Variants in RARA observed in about 807,000 individuals in gnomAD.
RARA encodes the protein retinoic acid receptor alpha, also known as PML-DDX5-RARA fusion.
Under a neutral mutation model 42.8 loss-of-function variants are expected in RARA, and 5 were observed. That is an observed-to-expected ratio of 0.12 (90% CI 0.06 to 0.25). The LOEUF (loss-of-function observed/expected upper bound fraction) is 0.25, where lower values mean the gene tolerates loss of function less well. Among genes scored for constraint, RARA ranks in the 10% least tolerant of loss-of-function variants. The pLI is 1.00. For missense variants in RARA, 402 were observed against 628.7 expected, an observed-to-expected ratio of 0.64 and a Z score of 3.86; for synonymous variants, 256 against 259.5, an observed-to-expected ratio of 0.99 and a Z score of 0.13.
intron 2 of RARA, among the ~76,000 whole-genome samples, chr17:40,339,684 G>A (rs1281047307): frequency 1.3e-5 from 2 of 152,082 alleles, no homozygotes; most frequent in African/African-American, 2.4e-5. Flanking sequence ...TACTTAGAAT[G>A]CCTGTGGGTC....
At chr17:40,329,310 GTTT>G (rs113191545) in intron 1 of RARA, among the ~76,000 whole-genome samples, 1 of 142,050 alleles carries the variant, frequency 7.0e-6, no homozygotes. Context: ...TTGTGTGTGT[GTTT>G]TTTTTTTTTT....
chr17:40,353,332 C>T (rs909610841), intron 6 of RARA, among the ~76,000 whole-genome samples: 1 of 152,168 alleles, frequency 6.6e-6, no homozygotes, highest in Admixed American at 6.5e-5. Context: ...CTGCCAAAGC[C>T]TAGGCTGGAG....
At chr17:40,315,132 G>GTGTGTA (rs1491257905) in intron 1 of RARA, among the ~76,000 whole-genome samples, 9 of 64,190 alleles carry the variant, frequency 1.4e-4, no homozygotes, top group African/African-American at 5.2e-4. Flanking sequence ...GCTTATATGT[G>GTGTGTA]TATATATATA....
At chr17:40,321,106 G>A (rs145488738) in intron 1 of RARA, among the ~76,000 whole-genome samples, 2,444 of 152,192 alleles carry the variant, frequency 0.016, 33 homozygotes, top group Middle Eastern at 0.065. Context: ...GGGGATGCAC[G>A]GTGGGGGGCA....
chr17:40,318,051 G>T (rs1293616060), intron 1 of RARA, among the ~76,000 whole-genome samples: 1 of 152,198 alleles, frequency 6.6e-6, no homozygotes, highest in Non-Finnish European at 1.5e-5. Context: ...GATTCTCCCG[G>T]ATTCCCACGG....
chr17:40,347,059 G>C (rs949946328), intron 2 of RARA, among the ~76,000 whole-genome samples: 2 of 152,198 alleles, frequency 1.3e-5, no homozygotes, highest in Admixed American at 6.5e-5. Flanking sequence ...TCCTTCCTCT[G>C]TGCCCCAATT....
At chr17:40,341,313 A>G (rs983108573) in intron 2 of RARA, 181 of 1,384,280 alleles carry the variant, frequency 1.3e-4, no homozygotes, top group Non-Finnish European at 1.6e-4. Flanking sequence ...GAGCGTGGGG[A>G]GGAGGGCCCC....
At chr17:40,342,066 G>A in intron 2 of RARA, 26 of 1,058,780 alleles carry the variant, frequency 2.5e-5, no homozygotes, top group Non-Finnish European at 2.9e-5. Context: ...GCCGGGAATG[G>A]GTTAAGCCAG....
intron 1 of RARA, among the ~76,000 whole-genome samples, chr17:40,315,120 ATGCTTATATGTG>A (rs1169033475): frequency 8.6e-6 from 1 of 116,676 alleles, no homozygotes; most frequent in African/African-American, 3.5e-5. Context: ...ATATATATAT[ATGCTTATATGTG>A]TATATATATA....
At chr17:40,325,038 G>T (rs897676456) in intron 1 of RARA, among the ~76,000 whole-genome samples, 10 of 151,954 alleles carry the variant, frequency 6.6e-5, no homozygotes, top group Non-Finnish European at 1.5e-4. Flanking sequence ...AGATCACCGT[G>T]TCAGGAGTTT....
chr17:40,352,521 C>T lies in RARA; in HGVS notation c.807+14C>T, dbSNP rs202074307. On this transcript the variant is annotated intron_variant, in intron 6 of 8. Coordinates refer to ENST00000254066, the MANE Select transcript of RARA (RefSeq NM_000964.4). This position sits in a 1 kb window ranked among gnomAD's most constrained non-coding sequence, Gnocchi z 4.9. ...CTGGACATCCTGGTGAGGGTCTGCA[C>T]CCTGGCCCCCAGGCACTGCCCCTGT... 5.7e-6 allele frequency: 9 copies of T among 1,577,660 alleles called. No individual in the cohort carries two copies. In the East Asian group the frequency reaches 1.4e-4, roughly 24 times the overall value.
chr17:40,312,186 C>T (rs2033108333), intron 1 of RARA, among the ~76,000 whole-genome samples: 1 of 152,206 alleles, frequency 6.6e-6, no homozygotes, highest in Non-Finnish European at 1.5e-5. Flanking sequence ...CTTTGGGTGC[C>T]CACAATGTGG....
chr17:40,335,028 C>T (rs762785740), intron 2 of RARA, among the ~76,000 whole-genome samples: 1 of 152,096 alleles, frequency 6.6e-6, no homozygotes, highest in African/African-American at 2.4e-5. Context: ...GTCTCAGATT[C>T]TGTGTGCACT....
intron 2 of RARA, chr17:40,341,525 C>A: frequency 6.8e-7 from 1 of 1,478,702 alleles, no homozygotes; most frequent in Non-Finnish European, 9.0e-7. Context: ...CTCTCCGCGT[C>A]TCCGGGGGAG....
rs1421613564 is a variant in RARA, at chr17:40,356,749, A to G, written c.*523A>G. ...TTCTCGCTGGTTTTGTTTTTATTTT[A>G]ATTTTTTTGTTTTGATTTTTTTAAT... is the stretch of plus-strand genomic sequence containing the variant. On this transcript the variant is annotated 3_prime_UTR_variant, in exon 9 of 9. Coordinates refer to ENST00000254066, the MANE Select transcript of RARA (RefSeq NM_000964.4). 3 of 527,538 alleles carry G rather than the reference A, an allele frequency of 5.7e-6. No individual in the cohort carries two copies. Among genetic ancestry groups the G allele is most frequent in the African/African-American group, 1.9e-5 (1 of 52,626 alleles). The allele number at this position is 527,538 out of a possible 1,614,324, so 32.7% of individuals were successfully genotyped here.
chr17:40,349,078 G>A (rs1053956295), intron 3 of RARA: 1 of 155,046 alleles, frequency 6.4e-6, no homozygotes, highest in Non-Finnish European at 1.4e-5. Context: ...ACAGCTTTGG[G>A]CCTTGCAGCT....
chr17:40,314,803 C>G (rs1333994355), intron 1 of RARA, among the ~76,000 whole-genome samples: 1 of 151,488 alleles, frequency 6.6e-6, no homozygotes, highest in African/African-American at 2.4e-5. Flanking sequence ...ACTGCCCTGG[C>G]ATCTCCCCCG....
intron 1 of RARA, among the ~76,000 whole-genome samples, chr17:40,323,580 G>C (rs901151661): frequency 9.2e-5 from 14 of 151,884 alleles, no homozygotes; most frequent in Non-Finnish European, 2.9e-5. Context: ...TCTGGCAGGC[G>C]CTCTTCTCTA....
intron 2 of RARA, chr17:40,343,084 C>CT: frequency 1.2e-6 from 1 of 852,852 alleles, no homozygotes. Context: ...GGCTGAGGAA[C>CT]TTTGAGAGTT....
Sources: gnomAD v4.1 joint callset for allele counts (sites outside exome capture counted in the v4.1 genomes callset) on GRCh38, gnomAD v4.1.1 for gene constraint, Gnocchi (gnomAD v3.1) non-coding constraint, MANE v1.5 for transcripts, NCBI Gene and HGNC (gene_info 2026-07-23, HGNC 2026-07-21) for gene names.